ASTN2: variants seen among roughly 807,000 people sequenced by gnomAD.
ASTN2 encodes astrotactin 2, also known as astrotactin-2.
ASTN2 carries 54 observed loss-of-function variants against 139.8 expected under a neutral mutation model. The observed-to-expected ratio is 0.39, with a 90% CI of 0.31 to 0.48. ASTN2 has a LOEUF of 0.48. Among genes scored for constraint, ASTN2 ranks in the 20% least tolerant of loss-of-function variants. The pLI, the probability that ASTN2 is intolerant of heterozygous loss-of-function variation, is 0.95. For missense variants in ASTN2, 1,565 were observed against 1,725.1 expected (o/e 0.91, Z 1.64); for synonymous variants, 756 against 719.5 (o/e 1.05, Z -0.81).
chr9:116,870,515 T>A (rs1833133430), intron 10 of ASTN2, among the ~76,000 whole-genome samples: 1 of 152,202 alleles, frequency 6.6e-6, no homozygotes, highest in Non-Finnish European at 1.5e-5. Context: ...CCAGCAGCTG[T>A]TTCTGTTCCT....
At position 117,046,012 on chromosome 9, in the gene ASTN2, GTA is replaced by G. The variant is rs1838732230; in HGVS notation, c.1277-6049_1277-6048del. On this transcript the variant is annotated intron_variant, in intron 5 of 22. Coordinates refer to ENST00000313400, the MANE Select transcript of ASTN2 (RefSeq NM_001365068.1). ...CGTACGTATGTATGTATGTATGTATGTATGTATGTATGTAGTCTCACTCTGTC... is the reference window on the plus strand; with the variant it reads ...CGTACGTATGTATGTATGTATGTATGTGTATGTATGTAGTCTCACTCTGTC... Among the ~76,000 whole-genome samples the G allele has an allele frequency of 1.8e-4, 27 of 151,746 alleles. 1 individual carries two copies. The highest frequency in any genetic ancestry group is 2.9e-4 in the Non-Finnish European group (20 of 67,906).
intron 10 of ASTN2, among the ~76,000 whole-genome samples, chr9:116,906,968 A>G (rs1401332794): frequency 6.6e-6 from 1 of 152,208 alleles, no homozygotes; most frequent in Non-Finnish European, 1.5e-5. Flanking sequence ...TCCATTAATT[A>G]TCTTACAGTA....
intron 3 of ASTN2, among the ~76,000 whole-genome samples, chr9:117,145,531 A>G (rs1204881121): frequency 1.3e-5 from 2 of 152,144 alleles, no homozygotes; most frequent in Non-Finnish European, 2.9e-5. Flanking sequence ...TTTCTGACAG[A>G]GACTGAGATT....
chr9:116,836,086 CCT>C (rs1393433852), intron 11 of ASTN2, among the ~76,000 whole-genome samples: 6 of 152,214 alleles, frequency 3.9e-5, no homozygotes, highest in African/African-American at 1.4e-4. Flanking sequence ...CCCAAAGGCC[CCT>C]CTTTTCAGCT....
intron 4 of ASTN2, among the ~76,000 whole-genome samples, chr9:117,101,937 CA>C (rs988802787): frequency 6.6e-6 from 1 of 152,278 alleles, no homozygotes; most frequent in East Asian, 1.9e-4. Context: ...GCTGGATATG[CA>C]AAATGGTGCA....
rs569699677 is a variant in ASTN2, at chr9:116,536,289, C to T, written c.3356-48789G>A. Among the ~76,000 whole-genome samples the T allele has an allele frequency of 1.9e-4, 29 of 151,846 alleles. No homozygotes were observed. The South Asian group carries it at 3.1e-3, about 16-fold the overall frequency. Reference sequence around the variant, plus strand: ...TTTTTCAAGGTTTTTATCTTCTTTGCGATGGGTTCAAACTTCCTCCTTTAG... The same window carrying T: ...TTTTTCAAGGTTTTTATCTTCTTTGTGATGGGTTCAAACTTCCTCCTTTAG... On this transcript the variant is annotated intron_variant, in intron 19 of 22. Transcript: ENST00000313400.
rs10983155 is a variant in ASTN2, at chr9:116,433,538, T to C, written c.3782+7071A>G. 2.2e-3 allele frequency among the ~76,000 whole-genome samples: 342 copies of C among 152,340 alleles called. 10 individuals carry two copies. In the East Asian group the frequency reaches 0.061, roughly 27 times the overall value. ...GAGGTGCACAATTTTCATTATTTTA[T>C]ATATTTCTGTATCATTTGGATTTTA... On this transcript the variant is annotated intron_variant, in intron 22 of 22. Coordinates refer to ENST00000313400, the MANE Select transcript of ASTN2 (RefSeq NM_001365068.1).
At chr9:116,955,510 C>A (rs1367911867) in intron 10 of ASTN2, among the ~76,000 whole-genome samples, 2 of 152,222 alleles carry the variant, frequency 1.3e-5, no homozygotes, top group African/African-American at 4.8e-5. Context: ...CCTGTTCACC[C>A]TTCTGGGCAC....
At chr9:116,756,770 A>AACACACACACACACACACAC (rs111716372) in intron 13 of ASTN2, among the ~76,000 whole-genome samples, 8 of 148,018 alleles carry the variant, frequency 5.4e-5, no homozygotes, top group African/African-American at 2.0e-4. Flanking sequence ...CTCCGAATAA[A>AACACACACACACACACACAC]ACACACACAC....
chr9:116,637,497 C>A (rs995302144), intron 17 of ASTN2, among the ~76,000 whole-genome samples: 3 of 152,096 alleles, frequency 2.0e-5, no homozygotes, highest in African/African-American at 7.2e-5. Context: ...TTTTTTGAGA[C>A]AAAAGTAGTA....
At chr9:117,346,400 C>G (rs1829218136) in intron 1 of ASTN2, among the ~76,000 whole-genome samples, 1 of 152,130 alleles carries the variant, frequency 6.6e-6, no homozygotes, top group Admixed American at 6.5e-5. Flanking sequence ...CTACAGAATT[C>G]AGATCCATAT....
rs755212312 is a variant in ASTN2 at position 116,828,170 on chromosome 9, G to A, written c.2041-7387C>T. 2.6e-4 allele frequency among the ~76,000 whole-genome samples: 40 copies of A among 151,942 alleles called. 1 individual carries two copies. Among genetic ancestry groups the A allele is most frequent in the African/African-American group, 7.5e-4 (31 of 41,374 alleles). Reference sequence around the variant, plus strand: ...AAATTAGCTGGGCATGGTGGCACACGCCTATAATCCCAGCTATTCGGGAGG... The same window carrying A: ...AAATTAGCTGGGCATGGTGGCACACACCTATAATCCCAGCTATTCGGGAGG... On this transcript the variant is annotated intron_variant, in intron 11 of 22. Transcript: ENST00000313400.
intron 10 of ASTN2, among the ~76,000 whole-genome samples, chr9:116,967,440 G>A (rs900364080): frequency 6.6e-6 from 1 of 152,112 alleles, no homozygotes; most frequent in African/African-American, 2.4e-5. Context: ...CTTTGGGAAA[G>A]GAACATTTGT....
intron 1 of ASTN2, among the ~76,000 whole-genome samples, chr9:117,330,389 C>T (rs74316477): frequency 0.015 from 2,339 of 152,296 alleles, 65 homozygotes; most frequent in African/African-American, 0.053. Context: ...AGTCCCTCTC[C>T]GAAGCCCCTC....
chr9:116,461,221 TTTAC>T (rs1433489955), intron 20 of ASTN2, among the ~76,000 whole-genome samples: 3 of 151,100 alleles, frequency 2.0e-5, no homozygotes, highest in African/African-American at 7.3e-5. Context: ...TATTATATAA[TTTAC>T]TTATTTATTA....
At position 117,144,992 on chromosome 9, in the gene ASTN2, T is replaced by TTAAA. The variant is rs555816256; in HGVS notation, c.1016-3515_1016-3514insTTTA. Among the ~76,000 whole-genome samples the TTAAA allele has an allele frequency of 4.0e-3, 610 of 151,204 alleles. 2 individuals carry two copies. The highest frequency in any genetic ancestry group is 0.014 in the African/African-American group (572 of 41,102). ...CCCACTACGCCTGGCTCTTTTTTTT[T>TTAAA]AAAAACTTTTATTTTAGACTCAGGG... On this transcript the variant is annotated intron_variant, in intron 3 of 22. Transcript: ENST00000313400.
At chr9:117,277,849 C>T (rs576399510) in intron 2 of ASTN2, among the ~76,000 whole-genome samples, 1 of 152,310 alleles carries the variant, frequency 6.6e-6, no homozygotes, top group South Asian at 2.1e-4. Flanking sequence ...AACTTCCCTG[C>T]ATATTCCCCA....
chr9:117,013,482 ATATATTT>A (rs774310608), intron 6 of ASTN2, among the ~76,000 whole-genome samples: 5 of 39,576 alleles, frequency 1.3e-4, no homozygotes, highest in East Asian at 1.2e-3. Flanking sequence ...ATATATATAT[ATATATTT>A]TTTTTTTTCT....
chr9:117,349,187 G>A lies in ASTN2; in HGVS notation c.443-57674C>T, dbSNP rs541738848. Reference sequence around the variant, plus strand: ...AGCAGACAGGAAGCTGCCGGGGCGGGTGAAGGCTCAGTCCTCTCCACTCTA... The same window carrying A: ...AGCAGACAGGAAGCTGCCGGGGCGGATGAAGGCTCAGTCCTCTCCACTCTA... On this transcript the variant is annotated intron_variant, in intron 1 of 22. Transcript: ENST00000313400. Among the ~76,000 whole-genome samples, 8 of 152,304 alleles carry A rather than the reference G, an allele frequency of 5.3e-5. No homozygotes were observed. The South Asian group carries it at 1.5e-3, about 28-fold the overall frequency.
Sources: gnomAD v4.1 joint callset for allele counts (sites outside exome capture counted in the v4.1 genomes callset) on GRCh38, gnomAD v4.1.1 for gene constraint, MANE v1.5 for transcripts, NCBI Gene and HGNC (gene_info 2026-07-23, HGNC 2026-07-21) for gene names.